Variants in KCTD8 observed in about 807,000 individuals in gnomAD.
KCTD8 encodes potassium channel tetramerization domain containing 8, also known as BTB/POZ domain-containing protein KCTD8.
Under a neutral mutation model 31.5 loss-of-function variants are expected in KCTD8, and 27 were observed. That is an observed-to-expected ratio of 0.86 (90% CI 0.63 to 1.18). The LOEUF (loss-of-function observed/expected upper bound fraction) is 1.18, where lower values mean the gene tolerates loss of function less well. Among genes scored for constraint, KCTD8 ranks in the 50% most tolerant of loss-of-function variants. The pLI is 0.00. For synonymous variants in KCTD8, 290 were observed against 280.0 expected, an observed-to-expected ratio of 1.04 and a Z score of -0.36; for missense variants, 658 against 647.7, an observed-to-expected ratio of 1.02 and a Z score of -0.17.
At chr4:44,307,904 A>G (rs1230269292) in intron 1 of KCTD8, among the ~76,000 whole-genome samples, 1 of 152,022 alleles carries the variant, frequency 6.6e-6, no homozygotes, top group Non-Finnish European at 1.5e-5. Flanking sequence ...TCAATGTATA[A>G]CATTTTAAAG....
At chr4:44,264,168 T>G (rs1432364327) in intron 1 of KCTD8, among the ~76,000 whole-genome samples, 1 of 151,092 alleles carries the variant, frequency 6.6e-6, no homozygotes, top group Non-Finnish European at 1.5e-5. Flanking sequence ...AACAAATAAT[T>G]GTTATTAGTC....
intron 1 of KCTD8, among the ~76,000 whole-genome samples, chr4:44,395,141 C>A (rs1352711477): frequency 6.6e-6 from 1 of 152,018 alleles, no homozygotes; most frequent in Non-Finnish European, 1.5e-5. Flanking sequence ...ATATCTCCAA[C>A]TTTTGCAGCA....
chr4:44,266,501 C>T (rs895455014), intron 1 of KCTD8, among the ~76,000 whole-genome samples: 1 of 152,124 alleles, frequency 6.6e-6, no homozygotes, highest in African/African-American at 2.4e-5. Flanking sequence ...AGCAAAATAA[C>T]CAGCTAACAA....
At chr4:44,223,262 A>C (rs1714859387) in intron 1 of KCTD8, among the ~76,000 whole-genome samples, 1 of 152,212 alleles carries the variant, frequency 6.6e-6, no homozygotes, top group Non-Finnish European at 1.5e-5. Flanking sequence ...TGGATAGATG[A>C]CAGGCAATTA....
intron 1 of KCTD8, among the ~76,000 whole-genome samples, chr4:44,328,477 C>G (rs1045783000): frequency 3.3e-5 from 5 of 151,952 alleles, no homozygotes; most frequent in Non-Finnish European, 7.4e-5. Flanking sequence ...AACGGCTCTA[C>G]CACATGTATC....
chr4:44,291,703 G>A (rs1461054540), intron 1 of KCTD8, among the ~76,000 whole-genome samples: 1 of 151,978 alleles, frequency 6.6e-6, no homozygotes, highest in South Asian at 2.1e-4. Flanking sequence ...CAGAATGGGT[G>A]AAACAATTCA....
chr4:44,261,894 A>G (rs2109365988), intron 1 of KCTD8, among the ~76,000 whole-genome samples: 1 of 152,220 alleles, frequency 6.6e-6, no homozygotes, highest in Non-Finnish European at 1.5e-5. Flanking sequence ...ATCACATTGT[A>G]CATCTTGAAT....
chr4:44,303,299 A>C (rs1313886844), intron 1 of KCTD8, among the ~76,000 whole-genome samples: 2 of 152,050 alleles, frequency 1.3e-5, no homozygotes, highest in Non-Finnish European at 2.9e-5. Context: ...GAATGGTACC[A>C]GTTCCTCCTT....
At chr4:44,307,427 G>A (rs753352932) in intron 1 of KCTD8, among the ~76,000 whole-genome samples, 5 of 151,770 alleles carry the variant, frequency 3.3e-5, no homozygotes, top group South Asian at 2.1e-4. Context: ...TGAAATCATC[G>A]TACACTTGCT....
chr4:44,225,521 G>T (rs773356697), intron 1 of KCTD8, among the ~76,000 whole-genome samples: 1 of 152,014 alleles, frequency 6.6e-6, no homozygotes, highest in South Asian at 2.1e-4. Context: ...TATCGGATTT[G>T]GTACTTATCA....
intron 1 of KCTD8, among the ~76,000 whole-genome samples, chr4:44,176,531 TA>T (rs1322595286): frequency 1.3e-5 from 2 of 152,206 alleles, no homozygotes; most frequent in Admixed American, 1.3e-4. Context: ...GATTAAGAGA[TA>T]AAAAACCTTT....
At chr4:44,376,687 A>C (rs546969865) in intron 1 of KCTD8, among the ~76,000 whole-genome samples, 5 of 152,180 alleles carry the variant, frequency 3.3e-5, no homozygotes, top group Non-Finnish European at 7.3e-5. Flanking sequence ...CAAGGACCTC[A>C]CATTCTAGTG....
At chr4:44,257,661 GTCTTTTGTAC>G (rs1207927861) in intron 1 of KCTD8, among the ~76,000 whole-genome samples, 1 of 151,880 alleles carries the variant, frequency 6.6e-6, no homozygotes, top group Non-Finnish European at 1.5e-5. Flanking sequence ...TTTTTAACAA[GTCTTTTGTAC>G]TATTGCTTAA....
chr4:44,375,612 C>T (rs1719897423), intron 1 of KCTD8, among the ~76,000 whole-genome samples: 1 of 152,064 alleles, frequency 6.6e-6, no homozygotes, highest in Admixed American at 6.6e-5. Context: ...ACCTGGATTA[C>T]AGTTGTCTAC....
intron 1 of KCTD8, among the ~76,000 whole-genome samples, chr4:44,363,254 G>A (rs1032247606): frequency 6.6e-6 from 1 of 152,098 alleles, no homozygotes; most frequent in East Asian, 1.9e-4. Flanking sequence ...TCCATTGTAA[G>A]CCATATCAAA....
intron 1 of KCTD8, among the ~76,000 whole-genome samples, chr4:44,252,845 C>T (rs1378951961): frequency 6.6e-6 from 1 of 151,602 alleles, no homozygotes; most frequent in East Asian, 1.9e-4. Flanking sequence ...ATATCAGTCT[C>T]ACAAATTGAA....
chr4:44,381,104 C>A (rs185069585), intron 1 of KCTD8, among the ~76,000 whole-genome samples: 44 of 152,050 alleles, frequency 2.9e-4, no homozygotes, highest in Admixed American at 1.8e-3. Flanking sequence ...TATGGAAATT[C>A]TTAATATTTC....
intron 1 of KCTD8, among the ~76,000 whole-genome samples, chr4:44,272,262 A>C (rs1411831715): frequency 6.6e-6 from 1 of 151,778 alleles, no homozygotes; most frequent in East Asian, 1.9e-4. Flanking sequence ...TAACTATACA[A>C]AAATTAGCAA....
intron 1 of KCTD8, among the ~76,000 whole-genome samples, chr4:44,227,862 C>T (rs1715009600): frequency 6.6e-6 from 1 of 152,092 alleles, no homozygotes; most frequent in African/African-American, 2.4e-5. Context: ...GCACCTACAC[C>T]CTTCATCCAA....
Sources: allele counts gnomAD v4.1 joint callset (sites outside exome capture counted in the v4.1 genomes callset), GRCh38; gene constraint gnomAD v4.1.1; transcripts MANE v1.5; gene names NCBI Gene and HGNC (gene_info 2026-07-23, HGNC 2026-07-21).